The following ASXL2 variants were observed in gnomAD, a reference collection of about 807,000 sequenced individuals.
The protein encoded by ASXL2 is ASXL transcriptional regulator 2, also known as putative Polycomb group protein ASXL2.
ASXL2 carries 23 observed loss-of-function variants against 122.0 expected under a neutral mutation model. The ratio of observed to expected loss-of-function variants is 0.19; its 90% CI spans 0.14 to 0.27. The LOEUF (loss-of-function observed/expected upper bound fraction) is 0.27. Among genes scored for constraint, ASXL2 ranks in the 10% least tolerant of loss-of-function variants. ASXL2 has a pLI of 1.00. For missense variants in ASXL2, 1,518 were observed against 1,713.8 expected, an observed-to-expected ratio of 0.89 and a Z score of 2.02; for synonymous variants, 650 against 637.0, an observed-to-expected ratio of 1.02 and a Z score of -0.31.
rs1297479281 is a variant in ASXL2, at chr2:25,738,940, G to C, written c.*3089C>G. On this transcript the variant is annotated 3_prime_UTR_variant, in exon 13 of 13. Transcript: ENST00000435504. ...AGCATAGGGGTTATGGAACAAGTAG[G>C]ACAAACAACTCCAGGCTATTTGGCT... 1 of 152,124 alleles carries C rather than the reference G, an allele frequency of 6.6e-6. No individual in the cohort carries two copies. The highest frequency in any genetic ancestry group is 1.5e-5 in the Non-Finnish European group (1 of 68,006). The allele number at this position is 152,124 out of a possible 1,614,324, so 9.4% of individuals were successfully genotyped here. A position where few individuals can be genotyped will look rare whatever the true frequency, so the allele number is the denominator to read the frequency against.
chr2:25,805,131 G>T (rs573844650), intron 4 of ASXL2, among the ~76,000 whole-genome samples: 64 of 152,292 alleles, frequency 4.2e-4, no homozygotes, highest in African/African-American at 1.4e-3. Context: ...TCAGATCTGG[G>T]TTCCTATACC....
chr2:25,749,714 T>C lies in ASXL2; in HGVS notation c.1842A>G (p.Arg614=). 1 of 1,524,110 alleles carries C rather than the reference T, an allele frequency of 6.6e-7. No homozygotes were observed. The highest frequency in any genetic ancestry group is 8.8e-7 in the Non-Finnish European group (1 of 1,139,450). The allele number at this position is 1,524,110 out of a possible 1,614,324, so 94.4% of individuals were successfully genotyped here. A position where few individuals can be genotyped will look rare whatever the true frequency, so the allele number is the denominator to read the frequency against. ...CTCTTACCTTGAGAGGTGGTACTTT[T>C]CGCACCTGGATTCTGTCCCCTCTAT... ...FLNRGDRIQV[R]KVPPLKIPVS... The change falls in exon 12 of 13, where the codon CGA becomes CGG. Residue 614 remains arginine (R), a synonymous_variant. Transcript: ENST00000435504.
chr2:25,872,378 T>C (rs2089968732), intron 1 of ASXL2, among the ~76,000 whole-genome samples: 1 of 151,578 alleles, frequency 6.6e-6, no homozygotes. Flanking sequence ...CAAGACCCTG[T>C]CTCAAGGAGA....
chr2:25,760,916 G>A (rs1438588733), intron 8 of ASXL2, among the ~76,000 whole-genome samples: 1 of 151,964 alleles, frequency 6.6e-6, no homozygotes, highest in Non-Finnish European at 1.5e-5. Flanking sequence ...AAAATAATTA[G>A]GAATTAATAG....
At chr2:25,798,472 A>G (rs765018844) in intron 5 of ASXL2, among the ~76,000 whole-genome samples, 5 of 152,196 alleles carry the variant, frequency 3.3e-5, no homozygotes, top group South Asian at 2.1e-4. Context: ...TAAAAAATCA[A>G]TGGTTGTCAG....
intron 3 of ASXL2, among the ~76,000 whole-genome samples, chr2:25,830,399 AGACAG>A (rs1048050361): frequency 6.6e-5 from 10 of 152,218 alleles, no homozygotes; most frequent in Admixed American, 2.0e-4. Context: ...TGGGAGGCCG[AGACAG>A]GTATATCACC....
chr2:25,792,608 CT>C (rs952086796), intron 5 of ASXL2, among the ~76,000 whole-genome samples: 97 of 150,966 alleles, frequency 6.4e-4, no homozygotes, highest in African/African-American at 2.3e-3. Flanking sequence ...TAATTTTTTT[CT>C]TTTTTTTTCT....
chr2:25,836,187 A>T (rs1485536147), intron 2 of ASXL2, among the ~76,000 whole-genome samples: 3 of 152,228 alleles, frequency 2.0e-5, no homozygotes, highest in African/African-American at 7.2e-5. Context: ...GATGAGCCTG[A>T]GCAACATAGT....
chr2:25,799,617 A>G, intron 4 of ASXL2, 82 bp from the exon 5 acceptor site: 1 of 1,474,432 alleles, frequency 6.8e-7, no homozygotes, highest in Non-Finnish European at 9.1e-7. Context: ...GCAATGTTGC[A>G]ACTTAATTGC....
At chr2:25,775,282 C>A (rs2088527529) in intron 5 of ASXL2, among the ~76,000 whole-genome samples, 2 of 152,134 alleles carry the variant, frequency 1.3e-5, no homozygotes, top group Non-Finnish European at 2.9e-5. Context: ...TGCCCACCAC[C>A]ACGCCCAGCT....
In ASXL2 at chr2:25,740,261, AAG is replaced by A. The variant is rs912569928; in HGVS notation, c.*1766_*1767del. ...GAGCAGGGGCTGTGGGAAAGCATCG[AAG>A]AGTGTGTGATGTGGGGGTGGGGTGG... is the stretch of plus-strand genomic sequence containing the variant. On this transcript the variant is annotated 3_prime_UTR_variant, in exon 13 of 13. Coordinates refer to ENST00000435504, the MANE Select transcript of ASXL2 (RefSeq NM_018263.6). 12 of 221,702 alleles carry A rather than the reference AAG, an allele frequency of 5.4e-5. No individual in the cohort carries two copies. The highest frequency in any genetic ancestry group is 2.3e-4 in the Admixed American group (4 of 17,334). 13.7% of individuals were successfully genotyped at this position (221,702 alleles called of 1,614,324 possible).
intron 5 of ASXL2, among the ~76,000 whole-genome samples, chr2:25,782,430 CAA>C (rs2088660152): frequency 6.6e-6 from 1 of 151,958 alleles, no homozygotes; most frequent in Non-Finnish European, 1.5e-5. Flanking sequence ...CCTGTAATCC[CAA>C]CTACTCAGGA....
chr2:25,815,022 T>C (rs1456944907), intron 3 of ASXL2, among the ~76,000 whole-genome samples: 1 of 152,194 alleles, frequency 6.6e-6, no homozygotes, highest in African/African-American at 2.4e-5. Context: ...CAAGATTCAG[T>C]AACTACAGCA....
chr2:25,870,950 CTT>C (rs1262819143), intron 1 of ASXL2, among the ~76,000 whole-genome samples: 1 of 152,058 alleles, frequency 6.6e-6, no homozygotes, highest in Non-Finnish European at 1.5e-5. Context: ...AGGATTAACT[CTT>C]TACATACTTC....
intron 12 of ASXL2, among the ~76,000 whole-genome samples, chr2:25,746,470 T>C (rs1165966945): frequency 1.3e-5 from 2 of 150,386 alleles, no homozygotes; most frequent in Middle Eastern, 3.4e-3. Context: ...TTGTCCCTTA[T>C]TTATATCATA....
chr2:25,810,413 T>C, intron 3 of ASXL2: 3 of 690,706 alleles, frequency 4.3e-6, no homozygotes, highest in Non-Finnish European at 5.3e-6. Context: ...TCAGTAGCTT[T>C]TTCCGCTTCT....
intron 2 of ASXL2, among the ~76,000 whole-genome samples, chr2:25,843,827 AAAAAAG>A (rs1559526665): frequency 6.6e-6 from 1 of 151,522 alleles, no homozygotes; most frequent in African/African-American, 2.4e-5. Flanking sequence ...AAAAAAAAAA[AAAAAAG>A]AAAGAAAGAA....
chr2:25,786,895 C>A (rs1237448553), intron 5 of ASXL2, among the ~76,000 whole-genome samples: 2 of 151,168 alleles, frequency 1.3e-5, no homozygotes, highest in Non-Finnish European at 2.9e-5. Flanking sequence ...AAAGCTTTAC[C>A]TTAAAGGTAG....
At chr2:25,780,901 CACGGTGAAA>C (rs1453816189) in intron 5 of ASXL2, among the ~76,000 whole-genome samples, 1 of 151,822 alleles carries the variant, frequency 6.6e-6, no homozygotes, top group Admixed American at 6.6e-5. Context: ...TCCTAGCTAA[CACGGTGAAA>C]CCCCGTCTCT....
Sources: allele counts gnomAD v4.1 joint callset (sites outside exome capture counted in the v4.1 genomes callset), GRCh38; gene constraint gnomAD v4.1.1; transcripts MANE v1.5; gene names NCBI Gene and HGNC (gene_info 2026-07-23, HGNC 2026-07-21).